RAB11FIP4: variants seen among roughly 807,000 people sequenced by gnomAD.
The protein encoded by RAB11FIP4 is rab11 family-interacting protein 4.
In RAB11FIP4, 23 loss-of-function variants were observed where a neutral mutation model predicts 74.3. The ratio of observed to expected loss-of-function variants is 0.31; its 90% CI spans 0.22 to 0.44. RAB11FIP4 has a LOEUF of 0.44. Among genes scored for constraint, RAB11FIP4 ranks in the 20% least tolerant of loss-of-function variants. The pLI is 1.00. For missense variants in RAB11FIP4, 630 were observed against 863.9 expected, an observed-to-expected ratio of 0.73 and a Z score of 3.39; for synonymous variants, 360 against 359.9, an observed-to-expected ratio of 1.00 and a Z score of 0.00.
At position 31,523,570 on chromosome 17, in the gene RAB11FIP4, C is replaced by T. The variant is rs569471357; in HGVS notation, c.988C>T (p.Arg330Trp). The change falls in exon 8 of 15, where the codon CGG (arginine) becomes TGG (tryptophan). Residue 330 changes from arginine (R) to tryptophan (W), a missense_variant. Transcript: ENST00000621161. ...CAATGGCAGCACCGAAGACCTGTTC[C>T]GGGACAGCATTGACTCTTGCGACAA... Reference protein sequence around the residue: ...SSNGSTEDLFRDSIDSCDNDI... With the variant: ...SSNGSTEDLFWDSIDSCDNDI... The T allele has an allele frequency of 4.7e-5, 76 of 1,614,092 alleles. No individual in the cohort carries two copies. The highest frequency in any genetic ancestry group is 6.3e-5 in the Non-Finnish European group (74 of 1,180,006).
At chr17:31,495,839 G>A (rs1324710383) in intron 3 of RAB11FIP4, among the ~76,000 whole-genome samples, 1 of 152,202 alleles carries the variant, frequency 6.6e-6, no homozygotes, top group Non-Finnish European at 1.5e-5. Flanking sequence ...GTGTGGAGTT[G>A]TTGACTGCCC....
At chr17:31,502,154 G>T (rs569170574) in intron 3 of RAB11FIP4, among the ~76,000 whole-genome samples, 1 of 147,008 alleles carries the variant, frequency 6.8e-6, no homozygotes, top group Non-Finnish European at 1.5e-5. Flanking sequence ...AACCCAGGAG[G>T]GGGGTGTTGC....
At chr17:31,530,577 A>C (rs2142834490) in intron 14 of RAB11FIP4, 108 bp downstream of exon 14, 1 of 1,413,668 alleles carries the variant, frequency 7.1e-7, no homozygotes, top group African/African-American at 1.4e-5. Flanking sequence ...CCTGGCAGAG[A>C]GTCCCATCTA....
At chr17:31,491,251 C>T (rs1210136131) in intron 3 of RAB11FIP4, among the ~76,000 whole-genome samples, 1 of 152,230 alleles carries the variant, frequency 6.6e-6, no homozygotes, top group East Asian at 1.9e-4. Flanking sequence ...GCTCAGCCCC[C>T]AGCACATTTC....
At chr17:31,465,245 T>C (rs1042384126) in intron 3 of RAB11FIP4, among the ~76,000 whole-genome samples, 20 of 151,966 alleles carry the variant, frequency 1.3e-4, no homozygotes, top group African/African-American at 4.6e-4. Context: ...GGAAGGAATC[T>C]AGGTTAGGAC....
chr17:31,493,195 A>C (rs1268416939), intron 3 of RAB11FIP4, among the ~76,000 whole-genome samples: 1 of 152,230 alleles, frequency 6.6e-6, no homozygotes, highest in Non-Finnish European at 1.5e-5. Flanking sequence ...AACCTGCTTC[A>C]TCTTCCCAGA....
intron 1 of RAB11FIP4, among the ~76,000 whole-genome samples, chr17:31,428,128 G>A (rs915177610): frequency 6.6e-6 from 1 of 152,160 alleles, no homozygotes; most frequent in Admixed American, 6.5e-5. Context: ...GCACAGAGCC[G>A]CCAGGTTCCA....
At chr17:31,419,352 A>T (rs1300364312) in intron 1 of RAB11FIP4, among the ~76,000 whole-genome samples, 7 of 146,598 alleles carry the variant, frequency 4.8e-5, no homozygotes, top group African/African-American at 1.8e-4. Context: ...GCATCTTTTG[A>T]TAGGTTTTTC....
intron 2 of RAB11FIP4, among the ~76,000 whole-genome samples, chr17:31,432,674 A>T (rs1296682188): frequency 1.3e-5 from 2 of 152,058 alleles, no homozygotes; most frequent in Non-Finnish European, 2.9e-5. Flanking sequence ...CTTCCTCTTA[A>T]TTCTTCCTAA....
intron 3 of RAB11FIP4, among the ~76,000 whole-genome samples, chr17:31,484,267 C>T (rs1031768756): frequency 2.0e-5 from 3 of 151,794 alleles, no homozygotes; most frequent in South Asian, 2.1e-4. Flanking sequence ...GACAGGGTTT[C>T]GTCACGTTGG....
At chr17:31,513,488 C>G (rs963383046) in intron 3 of RAB11FIP4, among the ~76,000 whole-genome samples, 1 of 152,172 alleles carries the variant, frequency 6.6e-6, no homozygotes, top group African/African-American at 2.4e-5. Context: ...CCAGACCCTT[C>G]CCCAGAGGGC....
chr17:31,532,033 C>T lies in RAB11FIP4; in HGVS notation c.*301C>T, dbSNP rs1367538554. On this transcript the variant is annotated 3_prime_UTR_variant, in exon 15 of 15. Transcript: ENST00000621161. ...CTGCTATCAGGAGTTACTGTAAAAA[C>T]AAGAACTGGAAGCTCGTGTTTCCGG... 3.3e-6 allele frequency: 1 copy of T among 305,188 alleles called. No individual in the cohort carries two copies. Among genetic ancestry groups the T allele is most frequent in the Admixed American group, 4.6e-5 (1 of 21,764 alleles). 18.9% of individuals were successfully genotyped at this position (305,188 alleles called of 1,614,324 possible). A position where few individuals can be genotyped will look rare whatever the true frequency, so the allele number is the denominator to read the frequency against.
In RAB11FIP4 at chr17:31,531,974, G is replaced by A; in HGVS notation, c.*242G>A. ...TGCACTTTGTGGCCCCTTTGCAAGGGGCAGAGGGTACTGGAAGTGGGAGGA... is the reference window on the plus strand; with the variant it reads ...TGCACTTTGTGGCCCCTTTGCAAGGAGCAGAGGGTACTGGAAGTGGGAGGA... On this transcript the variant is annotated 3_prime_UTR_variant, in exon 15 of 15. Coordinates refer to ENST00000621161, the MANE Select transcript of RAB11FIP4 (RefSeq NM_032932.6). 1 of 463,702 alleles carries A rather than the reference G, an allele frequency of 2.2e-6. No individual in the cohort carries two copies. The highest frequency in any genetic ancestry group is 3.9e-6 in the Non-Finnish European group (1 of 257,850). 28.7% of individuals were successfully genotyped at this position (463,702 alleles called of 1,614,324 possible). A position where few individuals can be genotyped will look rare whatever the true frequency, so the allele number is the denominator to read the frequency against.
chr17:31,517,203 C>CGGGGGG (rs2072572338), intron 3 of RAB11FIP4, among the ~76,000 whole-genome samples: 3 of 8,222 alleles, frequency 3.6e-4, no homozygotes, highest in Non-Finnish European at 7.1e-4. Flanking sequence ...GGGGGGGGGG[C>CGGGGGG]GGTGGGGGGG....
At chr17:31,466,444 G>A (rs2071686956) in intron 3 of RAB11FIP4, among the ~76,000 whole-genome samples, 1 of 152,158 alleles carries the variant, frequency 6.6e-6, no homozygotes, top group Admixed American at 6.5e-5. Context: ...AAAGTACTTA[G>A]GTTAGTGTCT....
intron 3 of RAB11FIP4, among the ~76,000 whole-genome samples, chr17:31,436,088 C>T (rs2071354318): frequency 6.6e-6 from 1 of 152,110 alleles, no homozygotes; most frequent in Admixed American, 6.6e-5. Flanking sequence ...GATTGCTGAG[C>T]AGGAGGCAGC....
chr17:31,432,394 C>T (rs1311676286), intron 2 of RAB11FIP4, among the ~76,000 whole-genome samples: 8 of 148,314 alleles, frequency 5.4e-5, no homozygotes, highest in African/African-American at 1.7e-4. Context: ...CTGGCTTTGT[C>T]GCCCAGGCTA....
At chr17:31,479,384 A>G (rs751847970) in intron 3 of RAB11FIP4, among the ~76,000 whole-genome samples, 1 of 152,194 alleles carries the variant, frequency 6.6e-6, no homozygotes, top group Non-Finnish European at 1.5e-5. Context: ...TCAAAAATCA[A>G]GTCCTCAGCT....
intron 1 of RAB11FIP4, among the ~76,000 whole-genome samples, chr17:31,426,523 G>GGTAT (rs1225551513): frequency 6.6e-6 from 1 of 151,630 alleles, no homozygotes; most frequent in African/African-American, 2.4e-5. Context: ...TGTGGTTGAT[G>GGTAT]GTATGTATTG....
Sources: gnomAD v4.1 joint callset for allele counts (sites outside exome capture counted in the v4.1 genomes callset) on GRCh38, gnomAD v4.1.1 for gene constraint, MANE v1.5 for transcripts, NCBI Gene and HGNC (gene_info 2026-07-23, HGNC 2026-07-21) for gene names.